The following MAPKAP1 variants were observed in gnomAD, a reference collection of about 807,000 sequenced individuals.
MAPKAP1 encodes target of rapamycin complex 2 subunit MAPKAP1.
A neutral mutation model predicts 65.7 loss-of-function variants in MAPKAP1; 20 were observed. That is an observed-to-expected ratio of 0.30 (90% CI 0.21 to 0.44). The LOEUF (loss-of-function observed/expected upper bound fraction) is 0.44, where lower values mean the gene tolerates loss of function less well. Among genes scored for constraint, MAPKAP1 ranks in the 20% least tolerant of loss-of-function variants. MAPKAP1 has a pLI of 1.00. For synonymous variants in MAPKAP1, 222 were observed against 244.3 expected (o/e 0.91, Z 0.85); for missense variants, 423 against 648.0 (o/e 0.65, Z 3.77).
rs757335569 is a variant in MAPKAP1 at position 125,506,294 on chromosome 9, G to T, written c.1066+16C>A. 1.2e-6 allele frequency: 2 copies of T among 1,605,384 alleles called. No homozygotes were observed. Among genetic ancestry groups the T allele is most frequent in the Admixed American group, 3.3e-5 (2 of 60,008 alleles). On this transcript the variant is annotated intron_variant, in intron 8 of 11. Coordinates refer to ENST00000265960, the MANE Select transcript of MAPKAP1 (RefSeq NM_001006617.3). The stretch of plus-strand genomic sequence containing the variant: ...GCAACGGACAAAGCGGGCATGGAGC[G>T]AGGCGGCCAACGTACTGTTCTCGCG...
intron 4 of MAPKAP1, among the ~76,000 whole-genome samples, chr9:125,611,550 A>G (rs1434398873): frequency 6.6e-6 from 1 of 152,228 alleles, no homozygotes; most frequent in Non-Finnish European, 1.5e-5. Context: ...CAGAATGATG[A>G]AAGACACTAA....
At chr9:125,503,004 A>G (rs1829029524) in intron 8 of MAPKAP1, among the ~76,000 whole-genome samples, 1 of 152,230 alleles carries the variant, frequency 6.6e-6, no homozygotes, top group African/African-American at 2.4e-5. Flanking sequence ...TTTCATCATT[A>G]TGAAGTAATG....
chr9:125,686,700 A>G (rs1485785061), intron 1 of MAPKAP1, among the ~76,000 whole-genome samples: 1 of 152,216 alleles, frequency 6.6e-6, no homozygotes, highest in Non-Finnish European at 1.5e-5. Context: ...TCAAACTCAG[A>G]GGTACGAGGA....
chr9:125,698,506 A>C (rs1400395698), intron 1 of MAPKAP1, among the ~76,000 whole-genome samples: 1 of 150,334 alleles, frequency 6.7e-6, no homozygotes, highest in East Asian at 2.0e-4. Context: ...CACGCCTGGC[A>C]AATTTTTGTA....
intron 1 of MAPKAP1, among the ~76,000 whole-genome samples, chr9:125,690,321 G>C (rs1835129233): frequency 6.6e-6 from 1 of 152,186 alleles, no homozygotes; most frequent in South Asian, 2.1e-4. Context: ...AAAAACATCA[G>C]GCCATGTGTG....
chr9:125,468,145 A>G (rs772345992), intron 9 of MAPKAP1, 36 bp from the exon 10 acceptor site: 18 of 1,607,034 alleles, frequency 1.1e-5, no homozygotes, highest in Non-Finnish European at 1.4e-5. Context: ...AGAAAACACA[A>G]GAAGTAGAAG....
At chr9:125,546,485 T>G (rs1008172468) in intron 6 of MAPKAP1, among the ~76,000 whole-genome samples, 1 of 152,222 alleles carries the variant, frequency 6.6e-6, no homozygotes, top group African/African-American at 2.4e-5. Context: ...AGCCTCCGTC[T>G]AGGTGCAAGT....
At chr9:125,685,813 G>C (rs1193099357) in intron 1 of MAPKAP1, among the ~76,000 whole-genome samples, 1 of 152,186 alleles carries the variant, frequency 6.6e-6, no homozygotes, top group Non-Finnish European at 1.5e-5. Flanking sequence ...GACAACAGGT[G>C]CATCTTTCTT....
chr9:125,528,508 A>C lies in MAPKAP1; in HGVS notation c.958+14551T>G, dbSNP rs1829837414. ...GGGAGCCAGAGAGACTCCCTCTAGG[A>C]GGGGAACTCCCAAACCTGAGGACTC... On this transcript the variant is annotated intron_variant, in intron 7 of 11. Transcript: ENST00000265960. Among the ~76,000 whole-genome samples, 2 of 152,338 alleles carry C rather than the reference A, an allele frequency of 1.3e-5. 1 individual carries two copies. Among genetic ancestry groups the C allele is most frequent in the South Asian group, 4.1e-4 (2 of 4,830 alleles).
intron 5 of MAPKAP1, among the ~76,000 whole-genome samples, chr9:125,574,326 T>C (rs936665977): frequency 1.3e-5 from 2 of 152,212 alleles, no homozygotes; most frequent in South Asian, 2.1e-4. Context: ...ACTACAGAAA[T>C]AGCAAAAGCA....
At chr9:125,496,439 A>G (rs1315375450) in intron 8 of MAPKAP1, among the ~76,000 whole-genome samples, 2 of 152,264 alleles carry the variant, frequency 1.3e-5, no homozygotes, top group African/African-American at 2.4e-5. Context: ...TCATTTGTAA[A>G]TAAGAGTTTA....
intron 9 of MAPKAP1, among the ~76,000 whole-genome samples, chr9:125,470,239 G>T (rs1004716834): frequency 6.6e-6 from 1 of 152,204 alleles, no homozygotes; most frequent in African/African-American, 2.4e-5. Context: ...AGATGATAGT[G>T]ACATGAATTA....
chr9:125,451,317 A>G (rs990786771), intron 10 of MAPKAP1, among the ~76,000 whole-genome samples: 3 of 152,176 alleles, frequency 2.0e-5, no homozygotes, highest in African/African-American at 4.8e-5. Context: ...CCACGTCTCC[A>G]GTCATCTGTT....
chr9:125,509,799 C>T (rs1237206761), intron 7 of MAPKAP1, among the ~76,000 whole-genome samples: 1 of 152,130 alleles, frequency 6.6e-6, no homozygotes, highest in Admixed American at 6.5e-5. Flanking sequence ...TTTTTTCCTA[C>T]CAGTCTTTGC....
At chr9:125,625,264 A>AT (rs770820051) in intron 4 of MAPKAP1, among the ~76,000 whole-genome samples, 29,750 of 138,000 alleles carry the variant, frequency 0.22, 4,377 homozygotes, top group Non-Finnish European at 0.28. Context: ...ATAAAAAAAA[A>AT]AAAAAAAAAA....
chr9:125,648,286 C>A (rs931796006), intron 4 of MAPKAP1, among the ~76,000 whole-genome samples: 1 of 152,136 alleles, frequency 6.6e-6, no homozygotes, highest in African/African-American at 2.4e-5. Context: ...GATCACTGTT[C>A]TGTTAGGATA....
rs142510103 is a variant in MAPKAP1 at position 125,675,108 on chromosome 9, CT to C, written c.-69-2466del. Among the ~76,000 whole-genome samples the C allele has an allele frequency of 7.0e-3, 1,064 of 152,264 alleles. 6 individuals are homozygous for C. Among genetic ancestry groups the C allele is most frequent in the African/African-American group, 0.025 (1,026 of 41,546 alleles). ...GGAAGCATAGTATCACAGATCAGAG[CT>C]GCAAACATCCTTCTACAGCAATCAC... On this transcript the variant is annotated intron_variant, in intron 1 of 11. Coordinates refer to ENST00000265960, the MANE Select transcript of MAPKAP1 (RefSeq NM_001006617.3).
chr9:125,684,095 A>G (rs1834903114), intron 1 of MAPKAP1, among the ~76,000 whole-genome samples: 1 of 152,226 alleles, frequency 6.6e-6, no homozygotes, highest in Admixed American at 6.5e-5. Flanking sequence ...AGTGAGTCAT[A>G]TGAATATTAT....
intron 10 of MAPKAP1, among the ~76,000 whole-genome samples, chr9:125,454,903 T>C (rs2132952184): frequency 6.6e-6 from 1 of 152,240 alleles, no homozygotes; most frequent in African/African-American, 2.4e-5. Context: ...GCACAGATGT[T>C]GGCTGGGTGC....
Sources: gnomAD v4.1 joint callset for allele counts (sites outside exome capture counted in the v4.1 genomes callset) on GRCh38, gnomAD v4.1.1 for gene constraint, MANE v1.5 for transcripts, NCBI Gene and HGNC (gene_info 2026-07-23, HGNC 2026-07-21) for gene names.